PKP4: variants seen among roughly 807,000 people sequenced by gnomAD.
PKP4 encodes plakophilin 4, also known as plakophilin-4.
PKP4 carries 90 observed loss-of-function variants against 145.1 expected under a neutral mutation model. The ratio of observed to expected loss-of-function variants is 0.62; its 90% CI spans 0.52 to 0.74. The LOEUF (loss-of-function observed/expected upper bound fraction) is 0.74, where lower values mean the gene tolerates loss of function less well. PKP4 is among the 30% of genes least tolerant of loss of function. The probability of loss-of-function intolerance (pLI) is 0.00; values close to 1 mark genes in which losing one functional copy is unlikely to be tolerated. For synonymous variants in PKP4, 563 were observed against 577.2 expected (o/e 0.98, Z 0.35); for missense variants, 1,340 against 1,482.7 (o/e 0.90, Z 1.58).
At chr2:158,485,490 C>T (rs1250638488) in intron 1 of PKP4, among the ~76,000 whole-genome samples, 1 of 152,200 alleles carries the variant, frequency 6.6e-6, no homozygotes, top group South Asian at 2.1e-4. Flanking sequence ...TCATATTTGT[C>T]GAATTATTTG....
At chr2:158,663,568 C>T (rs1297357576) in intron 15 of PKP4, 123 bp downstream of exon 15, 1 of 824,620 alleles carries the variant, frequency 1.2e-6, no homozygotes, top group Non-Finnish European at 1.9e-6. Context: ...AGCTACTTAG[C>T]TTGTGTGTGA....
intron 9 of PKP4, among the ~76,000 whole-genome samples, chr2:158,637,842 T>C (rs972582524): frequency 1.3e-5 from 2 of 152,356 alleles, no homozygotes; most frequent in Admixed American, 1.3e-4. Context: ...CTGGCAGGCA[T>C]TGATGCCATC....
At chr2:158,479,837 A>G (rs1693066192) in intron 1 of PKP4, among the ~76,000 whole-genome samples, 1 of 152,240 alleles carries the variant, frequency 6.6e-6, no homozygotes, top group Admixed American at 6.5e-5. Context: ...GGAAATGTGT[A>G]TCTAAAGCAT....
chr2:158,677,874 T>G (rs1284023916), intron 20 of PKP4, among the ~76,000 whole-genome samples: 1 of 152,194 alleles, frequency 6.6e-6, no homozygotes, highest in Non-Finnish European at 1.5e-5. Flanking sequence ...TGCCCTTCTG[T>G]ATCTTCTTCG....
chr2:158,629,915 G>A (rs1182243606), intron 7 of PKP4, among the ~76,000 whole-genome samples: 5 of 152,096 alleles, frequency 3.3e-5, no homozygotes, highest in Non-Finnish European at 7.4e-5. Context: ...TGGATTTTTA[G>A]TAGAGTCGGG....
intron 2 of PKP4, among the ~76,000 whole-genome samples, chr2:158,547,536 G>A (rs1574416342): frequency 6.6e-6 from 1 of 152,290 alleles, no homozygotes; most frequent in South Asian, 2.1e-4. Context: ...AGAAGCTAAG[G>A]CAATTTTGCG....
Position 158,577,379 on chromosome 2 carries a change from A to G in PKP4, c.241A>G (p.Thr81Ala). ...LGAESPSIAS[T>A]SSTEKSFPWR... The stretch of plus-strand genomic sequence containing the variant: ...AGCAGAATCACCAAGCATCGCCAGC[A>G]CCAGGTACAGGGCCAATGGCTCCAT... The change falls in exon 3 of 22, where the codon ACC (threonine) becomes GCC (alanine). Residue 81 changes from threonine (T) to alanine (A), a missense_variant. By Grantham distance (58) the Thr-to-Ala change is moderately conservative. Transcript: ENST00000389759. 6.2e-7 allele frequency: 1 copy of G among 1,607,184 alleles called. No homozygotes were observed. The highest frequency in any genetic ancestry group is 2.2e-5 in the East Asian group (1 of 44,790).
At chr2:158,462,160 G>C (rs1013289564) in intron 1 of PKP4, among the ~76,000 whole-genome samples, 2 of 152,180 alleles carry the variant, frequency 1.3e-5, no homozygotes, top group African/African-American at 4.8e-5. Flanking sequence ...TTGGCCCATT[G>C]CAAGCTGTGT....
chr2:158,681,333 G>A lies in PKP4; in HGVS notation c.*656G>A, dbSNP rs538475280. The stretch of plus-strand genomic sequence containing the variant: ...GCACAACGTCCAGGCTGGTACCGCA[G>A]CGCCATGCCCATTCCTCGCCTCATT... On this transcript the variant is annotated 3_prime_UTR_variant, in exon 22 of 22. Coordinates refer to ENST00000389759, the MANE Select transcript of PKP4 (RefSeq NM_003628.6). 9.8e-5 allele frequency: 15 copies of A among 152,776 alleles called. No individual in the cohort carries two copies. The highest frequency in any genetic ancestry group is 3.6e-4 in the African/African-American group (15 of 41,566). 9.5% of individuals were successfully genotyped at this position (152,776 alleles called of 1,614,324 possible). A position where few individuals can be genotyped will look rare whatever the true frequency, so the allele number is the denominator to read the frequency against.
At chr2:158,574,433 T>A (rs1194756853) in intron 2 of PKP4, among the ~76,000 whole-genome samples, 1 of 152,244 alleles carries the variant, frequency 6.6e-6, no homozygotes, top group Non-Finnish European at 1.5e-5. Flanking sequence ...CATCATCATC[T>A]TAATGAGCGT....
chr2:158,631,820 C>T lies in PKP4; in HGVS notation c.1221C>T (p.Pro407=), dbSNP rs1005319544. The T allele has an allele frequency of 6.2e-6, 10 of 1,614,048 alleles. No homozygotes were observed. Among genetic ancestry groups the T allele is most frequent in the Non-Finnish European group, 8.5e-6 (10 of 1,179,956 alleles). The change falls in exon 8 of 22, where the codon CCC becomes CCT. Residue 407 remains proline, a synonymous_variant. Coordinates refer to ENST00000389759, the MANE Select transcript of PKP4 (RefSeq NM_003628.6). ...AAGACCTTCGTTCTGCCGTGTCTCC[C>T]GACTTGCACATTACTCCTATATATG... is the stretch of plus-strand genomic sequence containing the variant. ...LGQDLRSAVS[P]DLHITPIYEG...
chr2:158,608,278 A>G (rs2050815381), intron 4 of PKP4, among the ~76,000 whole-genome samples: 1 of 152,212 alleles, frequency 6.6e-6, no homozygotes, highest in African/African-American at 2.4e-5. Context: ...AAGTTTTCAA[A>G]TCTTTTTTTT....
intron 1 of PKP4, among the ~76,000 whole-genome samples, chr2:158,476,373 C>A (rs1966461): frequency 1.3e-5 from 2 of 152,096 alleles, no homozygotes; most frequent in South Asian, 2.1e-4. Flanking sequence ...CACTCTTGCC[C>A]AGCCCGGAGT....
intron 2 of PKP4, among the ~76,000 whole-genome samples, chr2:158,573,954 G>A (rs974258618): frequency 1.1e-4 from 16 of 152,260 alleles, no homozygotes; most frequent in African/African-American, 3.9e-4. Context: ...GATGACCACA[G>A]GCCACCTGCT....
At chr2:158,632,632 T>C (rs2053471166) in intron 8 of PKP4, 1 of 152,006 alleles carries the variant, frequency 6.6e-6, no homozygotes, top group Admixed American at 6.6e-5. Context: ...AAGACTACTT[T>C]TTTTTTTTTA....
chr2:158,597,974 C>T (rs1004608269), intron 3 of PKP4, among the ~76,000 whole-genome samples: 1 of 116,934 alleles, frequency 8.6e-6, no homozygotes, highest in African/African-American at 2.8e-5. Context: ...GCACATGTCA[C>T]CATGCCCGGC....
chr2:158,662,002 C>G (rs571653558), intron 13 of PKP4, among the ~76,000 whole-genome samples: 21 of 152,142 alleles, frequency 1.4e-4, no homozygotes, highest in Non-Finnish European at 2.9e-4. Flanking sequence ...CATCATTTGT[C>G]AGCTGTGACG....
intron 3 of PKP4, among the ~76,000 whole-genome samples, chr2:158,594,682 T>G (rs1241896864): frequency 6.6e-6 from 1 of 152,216 alleles, no homozygotes; most frequent in African/African-American, 2.4e-5. Context: ...GAAGAGGTTT[T>G]GTTTTGTTTT....
At chr2:158,461,773 G>T (rs1046669020) in intron 1 of PKP4, among the ~76,000 whole-genome samples, 1 of 150,922 alleles carries the variant, frequency 6.6e-6, no homozygotes, top group African/African-American at 2.4e-5. Context: ...ATATTTAATG[G>T]TGTTAGTACT....
Sources: allele counts gnomAD v4.1 joint callset (sites outside exome capture counted in the v4.1 genomes callset), GRCh38; gene constraint gnomAD v4.1.1; transcripts MANE v1.5; gene names NCBI Gene and HGNC (gene_info 2026-07-23, HGNC 2026-07-21).